The following MCTP1 variants were observed in gnomAD, a reference collection of about 807,000 sequenced individuals.
MCTP1 encodes multiple C2 and transmembrane domain containing 1, also known as multiple C2 and transmembrane domain-containing protein 1.
MCTP1 carries 69 observed loss-of-function variants against 120.6 expected under a neutral mutation model. The ratio of observed to expected loss-of-function variants is 0.57; its 90% CI spans 0.47 to 0.70. The LOEUF (loss-of-function observed/expected upper bound fraction) is 0.70. MCTP1 is among the 30% of genes least tolerant of loss of function. The probability of loss-of-function intolerance (pLI) is 0.00; values close to 1 mark genes in which losing one functional copy is unlikely to be tolerated. For synonymous variants in MCTP1, 529 were observed against 493.1 expected (o/e 1.07, Z -0.96); for missense variants, 1,203 against 1,248.8 (o/e 0.96, Z 0.55).
chr5:95,248,329 A>AGGAT, intron 1 of MCTP1, among the ~76,000 whole-genome samples: 1 of 152,248 alleles, frequency 6.6e-6, no homozygotes, highest in Non-Finnish European at 1.5e-5. Context: ...GCAAAGTCTC[A>AGGAT]GGATACAAAA....
chr5:94,748,360 C>G (rs930608509), intron 19 of MCTP1, among the ~76,000 whole-genome samples: 3 of 152,200 alleles, frequency 2.0e-5, no homozygotes, highest in Non-Finnish European at 4.4e-5. Context: ...ATTGTCGAGA[C>G]AGCAGTCCGT....
chr5:94,922,480 A>G (rs541095536), intron 7 of MCTP1, among the ~76,000 whole-genome samples: 1 of 149,638 alleles, frequency 6.7e-6, no homozygotes, highest in Non-Finnish European at 1.5e-5. Context: ...GAAGTGTGCC[A>G]TGTATATTCC....
chr5:95,044,960 C>T (rs73138078), intron 1 of MCTP1, among the ~76,000 whole-genome samples: 5,403 of 152,206 alleles, frequency 0.035, 109 homozygotes, highest in African/African-American at 0.047. Flanking sequence ...AAAATGACTA[C>T]GTCAATCTCC....
intron 1 of MCTP1, among the ~76,000 whole-genome samples, chr5:95,045,769 C>T (rs1843034418): frequency 6.6e-6 from 1 of 152,146 alleles, no homozygotes; most frequent in Admixed American, 6.5e-5. Flanking sequence ...TAATTTCTGA[C>T]ATTTAAAGTT....
At chr5:95,192,541 C>T (rs1311173448) in intron 1 of MCTP1, among the ~76,000 whole-genome samples, 2 of 151,920 alleles carry the variant, frequency 1.3e-5, no homozygotes, top group Middle Eastern at 3.2e-3. Context: ...TTTCAAGTCT[C>T]TTTTAGATAA....
At chr5:95,260,403 T>G (rs564821526) in intron 1 of MCTP1, among the ~76,000 whole-genome samples, 13 of 152,066 alleles carry the variant, frequency 8.5e-5, no homozygotes, top group African/African-American at 3.1e-4. Flanking sequence ...TCACAAAGGG[T>G]TCTCGTGACT....
chr5:94,998,056 T>C (rs191433872), intron 2 of MCTP1, among the ~76,000 whole-genome samples: 2 of 152,290 alleles, frequency 1.3e-5, no homozygotes, highest in African/African-American at 4.8e-5. Context: ...AAAAATTTTA[T>C]TTGCTTTTTG....
chr5:95,207,944 AGAGG>A (rs745749486), intron 1 of MCTP1, among the ~76,000 whole-genome samples: 3,968 of 53,550 alleles, frequency 0.074, 118 homozygotes, highest in South Asian at 0.11. Context: ...AGAGAGAGAG[AGAGG>A]GAGAGAGAGG....
At chr5:94,794,880 G>C (rs576231372) in intron 18 of MCTP1, among the ~76,000 whole-genome samples, 1 of 152,226 alleles carries the variant, frequency 6.6e-6, no homozygotes, top group East Asian at 1.9e-4. Context: ...AGTGCTACTG[G>C]CTTTTCTGTA....
intron 19 of MCTP1, among the ~76,000 whole-genome samples, chr5:94,773,360 T>C (rs1463567985): frequency 6.6e-6 from 1 of 152,190 alleles, no homozygotes; most frequent in Non-Finnish European, 1.5e-5. Context: ...TGTAGCATAG[T>C]TGGGTTATAG....
At chr5:95,167,518 C>T (rs1276719742) in intron 1 of MCTP1, among the ~76,000 whole-genome samples, 2 of 152,172 alleles carry the variant, frequency 1.3e-5, no homozygotes, top group African/African-American at 4.8e-5. Context: ...AGTTTACAGT[C>T]CCACCAACAG....
At chr5:95,096,885 T>C (rs1486043131) in intron 1 of MCTP1, among the ~76,000 whole-genome samples, 2 of 152,190 alleles carry the variant, frequency 1.3e-5, no homozygotes, top group South Asian at 2.1e-4. Context: ...TTCTGAAATA[T>C]ATATTATATA....
intron 17 of MCTP1, among the ~76,000 whole-genome samples, chr5:94,829,151 C>T (rs1386247631): frequency 6.6e-6 from 1 of 152,180 alleles, no homozygotes. Context: ...ACGGGAAAAG[C>T]ATAGTATCTG....
intron 1 of MCTP1, among the ~76,000 whole-genome samples, chr5:95,232,219 A>C (rs552641136): frequency 1.3e-5 from 2 of 151,838 alleles, no homozygotes; most frequent in African/African-American, 4.8e-5. Flanking sequence ...TTATACCATC[A>C]AAAAATACTA....
intron 3 of MCTP1, among the ~76,000 whole-genome samples, chr5:94,943,555 G>T (rs1275202410): frequency 1.3e-5 from 2 of 152,038 alleles, no homozygotes; most frequent in Non-Finnish European, 2.9e-5. Flanking sequence ...GCCAATATTG[G>T]CTAAGTACTT....
intron 18 of MCTP1, among the ~76,000 whole-genome samples, chr5:94,791,112 C>CAAAAAAAAA (rs60394333): frequency 2.5e-4 from 25 of 99,620 alleles, no homozygotes; most frequent in African/African-American, 3.5e-4. Flanking sequence ...GTCTCTACTA[C>CAAAAAAAAA]AAAAAAAAAA....
At chr5:94,765,724 A>AG (rs1772488866) in intron 19 of MCTP1, among the ~76,000 whole-genome samples, 1 of 149,872 alleles carries the variant, frequency 6.7e-6, no homozygotes, top group Admixed American at 6.6e-5. Flanking sequence ...AAAAAAAAAA[A>AG]GCACTAAACA....
At chr5:95,276,796 C>A (rs1759880018) in intron 1 of MCTP1, among the ~76,000 whole-genome samples, 2 of 151,420 alleles carry the variant, frequency 1.3e-5, no homozygotes, top group Admixed American at 6.6e-5. Context: ...ACTAATAACA[C>A]AAAAAATTAG....
intron 10 of MCTP1, among the ~76,000 whole-genome samples, chr5:94,908,890 T>C (rs1037354022): frequency 1.3e-5 from 2 of 152,086 alleles, no homozygotes; most frequent in East Asian, 1.9e-4. Flanking sequence ...TTTACGGTGA[T>C]AGTATGCTTT....
Sources: allele counts gnomAD v4.1 joint callset (sites outside exome capture counted in the v4.1 genomes callset), GRCh38; gene constraint gnomAD v4.1.1; transcripts MANE v1.5; gene names NCBI Gene and HGNC (gene_info 2026-07-23, HGNC 2026-07-21).